Variants in MARCHF2 observed in about 807,000 individuals in gnomAD.
MARCHF2 encodes the protein membrane associated ring-CH-type finger 2, also known as E3 ubiquitin-protein ligase MARCHF2.
In MARCHF2, 22 loss-of-function variants were observed where a neutral mutation model predicts 24.0. The observed-to-expected ratio is 0.92, with a 90% CI of 0.66 to 1.31. The LOEUF is 1.31. Among genes scored for constraint, MARCHF2 ranks in the 50% most tolerant of loss-of-function variants. The pLI, the probability that MARCHF2 is intolerant of heterozygous loss-of-function variation, is 0.00. For missense variants in MARCHF2, 301 were observed against 335.3 expected, an observed-to-expected ratio of 0.90 and a Z score of 0.80; for synonymous variants, 154 against 153.0, an observed-to-expected ratio of 1.01 and a Z score of -0.05.
intron 1 of MARCHF2, among the ~76,000 whole-genome samples, chr19:8,415,742 AACAAAAAAAAAAAC>A (rs1568233686): frequency 1.2e-4 from 6 of 51,736 alleles, no homozygotes; most frequent in Non-Finnish European, 3.1e-4. Context: ...AAACAAAAAA[AACAAAAAAAAAAAC>A]CAGACAAAAG....
In MARCHF2 at chr19:8,421,125, G is replaced by T. The variant is rs950811705; in HGVS notation, c.-52-664G>T. Among the ~76,000 whole-genome samples the T allele has an allele frequency of 1.4e-3, 203 of 141,154 alleles. No individual in the cohort carries two copies. In the East Asian group the frequency reaches 0.014, roughly 10 times the overall value. The allele number at this position is 141,154 out of a possible 152,430, so 92.6% of individuals were successfully genotyped here. On this transcript the variant is annotated intron_variant, in intron 1 of 4. Transcript: ENST00000215555. ...GGCCTAGCTTTCCTGTTTTTTTTGG[G>T]TTTTTTTTTTTTTTTGAGACAGAGT...
In MARCHF2 at chr19:8,428,649, CAAAAAAAAAAAAAAAAAAAAA is replaced by C. The variant is rs59542078; in HGVS notation, c.372+1859_372+1879del. 3.3e-4 allele frequency among the ~76,000 whole-genome samples: 10 copies of C among 30,620 alleles called. 1 individual carries two copies. Among genetic ancestry groups the C allele is most frequent in the Non-Finnish European group, 2.2e-4 (4 of 18,310 alleles). 20.1% of individuals were successfully genotyped at this position (30,620 alleles called of 152,430 possible). On this transcript the variant is annotated intron_variant, in intron 3 of 4. Coordinates refer to ENST00000215555, the MANE Select transcript of MARCHF2 (RefSeq NM_001005415.2). The stretch of plus-strand genomic sequence containing the variant: ...TGGGCAACAGATTGAGACTCTATCT[CAAAAAAAAAAAAAAAAAAAAA>C]AAAAAAAAAAAAACCAAGGCTGGAC...
intron 2 of MARCHF2, 104 bp from the exon 3 acceptor site, chr19:8,426,504 TA>T: frequency 1.2e-6 from 1 of 866,936 alleles, no homozygotes; most frequent in Non-Finnish European, 1.8e-6. Context: ...AGGAGTTCAC[TA>T]AGTGGCAGCA....
At chr19:8,433,739 C>T (rs1967640630) in intron 4 of MARCHF2, among the ~76,000 whole-genome samples, 1 of 151,284 alleles carries the variant, frequency 6.6e-6, no homozygotes, top group South Asian at 2.1e-4. Context: ...TGGCACATGC[C>T]AGTAATCCTA....
chr19:8,433,727 G>GT (rs2145569412), intron 4 of MARCHF2, among the ~76,000 whole-genome samples: 1 of 151,724 alleles, frequency 6.6e-6, no homozygotes, highest in East Asian at 2.0e-4. Context: ...AGCCAGGTGT[G>GT]GTGGCACATG....
At chr19:8,420,580 GA>G (rs1967210453) in intron 1 of MARCHF2, among the ~76,000 whole-genome samples, 1 of 151,586 alleles carries the variant, frequency 6.6e-6, no homozygotes, top group Non-Finnish European at 1.5e-5. Context: ...ACCTTATCTG[GA>G]AAGGTGATAT....
chr19:8,432,168 AAAAG>A (rs536082309), intron 4 of MARCHF2, among the ~76,000 whole-genome samples: 132 of 152,152 alleles, frequency 8.7e-4, no homozygotes, highest in Non-Finnish European at 1.2e-3. Flanking sequence ...TAAAAAAAGA[AAAAG>A]AAAGAAAGAA....
intron 4 of MARCHF2, among the ~76,000 whole-genome samples, chr19:8,437,552 C>T (rs1055528834): frequency 9.9e-5 from 15 of 150,846 alleles, no homozygotes; most frequent in Middle Eastern, 3.6e-3. Context: ...GGCGTTTCAC[C>T]GTGTTAGCCA....
rs1229280663 is a variant in MARCHF2, at chr19:8,438,555, C to T, written c.*9C>T. On this transcript the variant is annotated 3_prime_UTR_variant, in exon 5 of 5. Transcript: ENST00000215555. ...AGGAGACACCAGTATGAATGCTGGG[C>T]TCTCCGGACCCTGCAGCAGAGAGGC... 6.2e-7 allele frequency: 1 copy of T among 1,613,422 alleles called. No homozygotes were observed. Among genetic ancestry groups the T allele is most frequent in the Non-Finnish European group, 8.5e-7 (1 of 1,179,692 alleles).
chr19:8,427,269 G>A (rs1265146090), intron 3 of MARCHF2, among the ~76,000 whole-genome samples: 2 of 151,678 alleles, frequency 1.3e-5, no homozygotes. Flanking sequence ...GGCTGGTCTC[G>A]AACTCCTGAC....
chr19:8,433,865 C>CT (rs1352299127), intron 4 of MARCHF2, among the ~76,000 whole-genome samples: 3 of 147,124 alleles, frequency 2.0e-5, no homozygotes, highest in Non-Finnish European at 4.5e-5. Context: ...GAATAAGACT[C>CT]TGTCTCAAAA....
At chr19:8,433,115 A>G (rs1301440821) in intron 4 of MARCHF2, among the ~76,000 whole-genome samples, 1 of 151,932 alleles carries the variant, frequency 6.6e-6, no homozygotes, top group East Asian at 1.9e-4. Flanking sequence ...GCTACTCCGG[A>G]GGGTGAGGTG....
intron 2 of MARCHF2, 97 bp from the exon 3 acceptor site, chr19:8,426,512 A>C: frequency 1.1e-6 from 1 of 944,242 alleles, no homozygotes; most frequent in Non-Finnish European, 1.6e-6. Flanking sequence ...ACTAAGTGGC[A>C]GCATGGGGTA....
At chr19:8,425,286 G>T (rs375753740) in intron 2 of MARCHF2, among the ~76,000 whole-genome samples, 2 of 151,888 alleles carry the variant, frequency 1.3e-5, no homozygotes, top group East Asian at 3.9e-4. Context: ...GGAGGCTGAG[G>T]CTACTCGGGA....
chr19:8,438,649 C>A lies in MARCHF2; in HGVS notation c.*103C>A. 7.7e-7 allele frequency: 1 copy of A among 1,294,442 alleles called. No individual in the cohort carries two copies. The highest frequency in any genetic ancestry group is 1.1e-6 in the Non-Finnish European group (1 of 937,976). 80.2% of individuals were successfully genotyped at this position (1,294,442 alleles called of 1,614,324 possible). A position where few individuals can be genotyped will look rare whatever the true frequency, so the allele number is the denominator to read the frequency against. Reference sequence around the variant, plus strand: ...TTCAACACTTCCACTTCAACAGTTCCCGCACGGCCTGAACGCTTCTTAGGC... The same window carrying A: ...TTCAACACTTCCACTTCAACAGTTCACGCACGGCCTGAACGCTTCTTAGGC... On this transcript the variant is annotated 3_prime_UTR_variant, in exon 5 of 5. Coordinates refer to ENST00000215555, the MANE Select transcript of MARCHF2 (RefSeq NM_001005415.2).
chr19:8,438,729 GTTT>G lies in MARCHF2; in HGVS notation c.*200_*202del, dbSNP rs370862443. 8.9e-3 allele frequency: 3,304 copies of G among 370,424 alleles called. No homozygotes were observed. Among genetic ancestry groups the G allele is most frequent in the South Asian group, 0.013 (389 of 28,858 alleles). The allele number at this position is 370,424 out of a possible 1,614,324, so 22.9% of individuals were successfully genotyped here. A position where few individuals can be genotyped will look rare whatever the true frequency, so the allele number is the denominator to read the frequency against. ...GATCCTGTGTGAAGATATTTTCAGG[GTTT>G]TTTTTTTTTTTTTTTTGCATATGGA... is the stretch of plus-strand genomic sequence containing the variant. On this transcript the variant is annotated 3_prime_UTR_variant, in exon 5 of 5. Coordinates refer to ENST00000215555, the MANE Select transcript of MARCHF2 (RefSeq NM_001005415.2).
rs1967551029 is a variant in MARCHF2, at chr19:8,430,562, GAC to G, written c.373-94_373-93del. 1 of 906,712 alleles carries G rather than the reference GAC, an allele frequency of 1.1e-6. No individual in the cohort carries two copies. Among genetic ancestry groups the G allele is most frequent in the Non-Finnish European group, 1.7e-6 (1 of 585,958 alleles). The allele number at this position is 906,712 out of a possible 1,614,324, so 56.2% of individuals were successfully genotyped here. ...AAAAAAAAAAAAGAAAGAAGGAAAG[GAC>G]AGAGGGAGGCCTAGGCCTGGAGGTC... On this transcript the variant is annotated intron_variant, in intron 3 of 4. Coordinates refer to ENST00000215555, the MANE Select transcript of MARCHF2 (RefSeq NM_001005415.2). The surrounding 1 kb of genome is among the most constrained non-coding windows in gnomAD (Gnocchi z 4.4).
chr19:8,416,937 G>A (rs72996780), intron 1 of MARCHF2, among the ~76,000 whole-genome samples: 37,746 of 152,060 alleles, frequency 0.25, 5,383 homozygotes, highest in Non-Finnish European at 0.32. Flanking sequence ...CAACTGTTTC[G>A]AGTTCAGTGA....
chr19:8,417,658 G>C (rs1338264318), intron 1 of MARCHF2, among the ~76,000 whole-genome samples: 1 of 150,480 alleles, frequency 6.6e-6, no homozygotes, highest in Non-Finnish European at 1.5e-5. Context: ...GGCTGGTCTC[G>C]AACTCCTGAC....
Sources: gnomAD v4.1 joint callset for allele counts (sites outside exome capture counted in the v4.1 genomes callset) on GRCh38, gnomAD v4.1.1 for gene constraint, Gnocchi (gnomAD v3.1) non-coding constraint, MANE v1.5 for transcripts, NCBI Gene and HGNC (gene_info 2026-07-23, HGNC 2026-07-21) for gene names.